The following C1QL4 variants were observed in gnomAD, a reference collection of about 807,000 sequenced individuals.
C1QL4 encodes the protein complement C1q like 4, also known as complement C1q-like protein 4.
Under a neutral mutation model 13.4 loss-of-function variants are expected in C1QL4, and 5 were observed. The ratio of observed to expected loss-of-function variants is 0.37; its 90% CI spans 0.19 to 0.78. C1QL4 has a LOEUF of 0.78. C1QL4 is among the 30% of genes least tolerant of loss of function. C1QL4 has a pLI of 0.47. For missense variants in C1QL4, 367 were observed against 361.6 expected (o/e 1.01, Z -0.12); for synonymous variants, 168 against 153.9 (o/e 1.09, Z -0.68).
intron 1 of C1QL4, 71 bp from the exon 2 acceptor site, chr12:49,333,304 G>A (rs374263688): frequency 2.7e-6 from 4 of 1,493,778 alleles, no homozygotes; most frequent in South Asian, 2.6e-5. Context: ...GGGCGGCTGG[G>A]CGTGCGAAGG....
In C1QL4 at chr12:49,336,643, G is replaced by T; in HGVS notation, c.-166C>A. ...CTTGGGCCTGGGTCTGCACTCCCCC[G>T]ACGGCTGCCCCCCGCTCCCCTTACC... is the stretch of plus-strand genomic sequence containing the variant. On this transcript the variant is annotated 5_prime_UTR_variant, in exon 1 of 2. Coordinates refer to ENST00000334221, the MANE Select transcript of C1QL4 (RefSeq NM_001008223.2). The surrounding 1 kb of genome is among the most constrained non-coding windows in gnomAD (Gnocchi z 7.7). 1.3e-6 allele frequency: 1 copy of T among 752,286 alleles called. No homozygotes were observed. Among genetic ancestry groups the T allele is most frequent in the Non-Finnish European group, 1.9e-6 (1 of 517,366 alleles). The allele number at this position is 752,286 out of a possible 1,614,324, so 46.6% of individuals were successfully genotyped here. A position where few individuals can be genotyped will look rare whatever the true frequency, so the allele number is the denominator to read the frequency against.
At position 49,336,524 on chromosome 12, in the gene C1QL4, C is replaced by G. The variant is rs1045442027; in HGVS notation, c.-47G>C. The G allele has an allele frequency of 3.5e-6, 5 of 1,440,038 alleles. No homozygotes were observed. Among genetic ancestry groups the G allele is most frequent in the Non-Finnish European group, 4.5e-6 (5 of 1,110,790 alleles). 89.2% of individuals were successfully genotyped at this position (1,440,038 alleles called of 1,614,324 possible). ...CGCCACCCTCTTGCGGCGGCTCAGC[C>G]GCGACGCTGCCAGGGCCAGCAAATC... On this transcript the variant is annotated 5_prime_UTR_variant, in exon 1 of 2. Coordinates refer to ENST00000334221, the MANE Select transcript of C1QL4 (RefSeq NM_001008223.2). The surrounding 1 kb of genome is among the most constrained non-coding windows in gnomAD (Gnocchi z 7.7).
In C1QL4 at chr12:49,332,946, C is replaced by T. The variant is rs923572022; in HGVS notation, c.*108G>A. ...CCGCCTCCGGGAACGGAAGGGTCCA[C>T]CCCACCGCCAGGCTCTCAAAGGGTG... is the stretch of plus-strand genomic sequence containing the variant. On this transcript the variant is annotated 3_prime_UTR_variant, in exon 2 of 2. Transcript: ENST00000334221. 51 of 1,212,978 alleles carry T rather than the reference C, an allele frequency of 4.2e-5. No individual in the cohort carries two copies. Among genetic ancestry groups the T allele is most frequent in the Non-Finnish European group, 4.9e-5 (43 of 879,608 alleles). The allele number at this position is 1,212,978 out of a possible 1,614,324, so 75.1% of individuals were successfully genotyped here.
rs1943635762 is a variant in C1QL4, at chr12:49,336,596, G to A, written c.-119C>T. On this transcript the variant is annotated 5_prime_UTR_variant, in exon 1 of 2. Transcript: ENST00000334221. The surrounding 1 kb of genome is among the most constrained non-coding windows in gnomAD (Gnocchi z 7.7). ...GGCTGCCGGGGCCGGGGCTCTCCGC[G>A]GGCCAGGAGGCGGTGACCCGCCTTG... 8.2e-7 allele frequency: 1 copy of A among 1,215,452 alleles called. No homozygotes were observed. Among genetic ancestry groups the A allele is most frequent in the South Asian group, 1.9e-5 (1 of 51,944 alleles). 75.3% of individuals were successfully genotyped at this position (1,215,452 alleles called of 1,614,324 possible). A position where few individuals can be genotyped will look rare whatever the true frequency, so the allele number is the denominator to read the frequency against.
Position 49,337,124 on chromosome 12 carries a change from C to T in C1QL4, c.-647G>A, listed in dbSNP as rs1943640246. The T allele has an allele frequency of 6.6e-6, 1 of 152,246 alleles. No homozygotes were observed. Among genetic ancestry groups the T allele is most frequent in the Non-Finnish European group, 1.5e-5 (1 of 68,058 alleles). 9.4% of individuals were successfully genotyped at this position (152,246 alleles called of 1,614,324 possible). On this transcript the variant is annotated 5_prime_UTR_variant, in exon 1 of 2. Coordinates refer to ENST00000334221, the MANE Select transcript of C1QL4 (RefSeq NM_001008223.2). ...TAGAGCCCTGGCCCGCGCCTCTCTCCTGCGGGCGCGGTCCCTCTCCGCCTC... is the reference window on the plus strand; with the variant it reads ...TAGAGCCCTGGCCCGCGCCTCTCTCTTGCGGGCGCGGTCCCTCTCCGCCTC...
rs778063736 is a variant in C1QL4 at position 49,333,244 on chromosome 12, A to T, written c.538-11T>A. The T allele has an allele frequency of 3.1e-6, 5 of 1,612,256 alleles. No homozygotes were observed. Among genetic ancestry groups the T allele is most frequent in the South Asian group, 2.2e-5 (2 of 90,912 alleles). On this transcript the variant is annotated splice_polypyrimidine_tract_variant and intron_variant, in intron 1 of 1. Transcript: ENST00000334221. ...GGCGCTGGCCCGGACCTATCGAGGG[A>T]GAAGAACCTGCTCATGCTCTGTGTG...
At position 49,333,039 on chromosome 12, in the gene C1QL4, CGG is replaced by C. The variant is rs1260105977; in HGVS notation, c.*13_*14del. 2 of 1,585,740 alleles carry C rather than the reference CGG, an allele frequency of 1.3e-6. No homozygotes were observed. The highest frequency in any genetic ancestry group is 1.7e-6 in the Non-Finnish European group (2 of 1,163,004). ...GGGAGAGAAGGGGCGAGCGGGGGCA[CGG>C]GGCGGGGCCGGCTCAGTCGGGGTAG... On this transcript the variant is annotated 3_prime_UTR_variant, in exon 2 of 2. Coordinates refer to ENST00000334221, the MANE Select transcript of C1QL4 (RefSeq NM_001008223.2).
rs1943627148 is a variant in C1QL4 at position 49,335,952 on chromosome 12, T to A, written c.526A>T (p.Lys176Ter). 6.2e-7 allele frequency: 1 copy of A among 1,603,586 alleles called. No individual in the cohort carries two copies. The highest frequency in any genetic ancestry group is 1.3e-5 in the African/African-American group (1 of 74,836). ...GAGGGGCATCTCACCTGTCCGTTCT[T>A]CATGAGGTCGGCCCACATGCTGGTG... is the stretch of plus-strand genomic sequence containing the variant. Reference protein sequence around the residue: ...DGTSMWADLMKNGQVRASAIA... With the variant: ...DGTSMWADLM The change falls in exon 1 of 2, where the codon AAG becomes TAG. Residue 176 changes from lysine to a stop codon, truncating the protein, a stop_gained. Transcript: ENST00000334221. LOFTEE classifies it high-confidence loss of function.
At chr12:49,335,594 C>G (rs940674334) in intron 1 of C1QL4, among the ~76,000 whole-genome samples, 1 of 152,100 alleles carries the variant, frequency 6.6e-6, no homozygotes, top group African/African-American at 2.4e-5. Context: ...AAGGATAGCC[C>G]AAGACAGGAC....
chr12:49,337,087 C>G lies in C1QL4; in HGVS notation c.-610G>C, dbSNP rs1289661329. The G allele has an allele frequency of 6.6e-6, 1 of 152,426 alleles. No homozygotes were observed. The highest frequency in any genetic ancestry group is 2.4e-5 in the African/African-American group (1 of 41,460). The allele number at this position is 152,426 out of a possible 1,614,324, so 9.4% of individuals were successfully genotyped here. On this transcript the variant is annotated 5_prime_UTR_variant, in exon 1 of 2. Transcript: ENST00000334221. ...CTCACCTTGCTACCCCTGCCGCGGC[C>G]CCAGTCCCTGCTAGAGCCCTGGCCC...
At chr12:49,334,835 C>T (rs1367928652) in intron 1 of C1QL4, among the ~76,000 whole-genome samples, 2 of 152,154 alleles carry the variant, frequency 1.3e-5, no homozygotes, top group Non-Finnish European at 1.5e-5. Context: ...TCCCTTTCCC[C>T]GGGTTCCTGG....
rs1184361687 is a variant in C1QL4, at chr12:49,337,176, G to A, written c.-699C>T. On this transcript the variant is annotated 5_prime_UTR_variant, in exon 1 of 2. Coordinates refer to ENST00000334221, the MANE Select transcript of C1QL4 (RefSeq NM_001008223.2). ...CTAACCTTCCTCCCCTCCCTCCCGGGCGCGGGTGGTATGAGGCGCCGCGCG... is the reference window on the plus strand; with the variant it reads ...CTAACCTTCCTCCCCTCCCTCCCGGACGCGGGTGGTATGAGGCGCCGCGCG... 6.6e-6 allele frequency: 1 copy of A among 152,098 alleles called. No individual in the cohort carries two copies. Among genetic ancestry groups the A allele is most frequent in the Non-Finnish European group, 1.5e-5 (1 of 68,038 alleles). The allele number at this position is 152,098 out of a possible 1,614,324, so 9.4% of individuals were successfully genotyped here. A position where few individuals can be genotyped will look rare whatever the true frequency, so the allele number is the denominator to read the frequency against.
At chr12:49,334,247 G>A (rs943526436) in intron 1 of C1QL4, among the ~76,000 whole-genome samples, 6 of 152,204 alleles carry the variant, frequency 3.9e-5, no homozygotes, top group Admixed American at 3.9e-4. Flanking sequence ...CTAAAATTCT[G>A]AACCGGCTGG....
Position 49,333,198 on chromosome 12 carries a change from C to CT in C1QL4, c.572dup (p.Asn192GlufsTer79). 1 of 1,614,074 alleles carries CT rather than the reference C, an allele frequency of 6.2e-7. No homozygotes were observed. The highest frequency in any genetic ancestry group is 1.1e-5 in the South Asian group (1 of 91,082). On this transcript the variant is annotated frameshift_variant, in exon 2 of 2. Coordinates refer to ENST00000334221, the MANE Select transcript of C1QL4 (RefSeq NM_001008223.2). LOFTEE classifies it high-confidence loss of function. ...CGCTGTTGCTGGCGTAGTCGTAGTT[C>CT]TGGTCCGCGTCCTGAGCAATGGCGC... is the stretch of plus-strand genomic sequence containing the variant.
intron 1 of C1QL4, 71 bp downstream of exon 1, chr12:49,335,870 G>T: frequency 6.6e-7 from 1 of 1,511,952 alleles, no homozygotes; most frequent in Non-Finnish European, 9.0e-7. Context: ...ATAATCTCAG[G>T]TTGTGGGATG....
At position 49,335,927 on chromosome 12, in the gene C1QL4, G is replaced by C; in HGVS notation, c.537+14C>G. The C allele has an allele frequency of 6.3e-7, 1 of 1,591,470 alleles. No individual in the cohort carries two copies. Among genetic ancestry groups the C allele is most frequent in the Admixed American group, 1.8e-5 (1 of 56,958 alleles). ...CGACCAGTCTGAGCTGGGTTGGGGA[G>C]AGGGGCATCTCACCTGTCCGTTCTT... is the stretch of plus-strand genomic sequence containing the variant. On this transcript the variant is annotated intron_variant, in intron 1 of 1. Transcript: ENST00000334221.
At chr12:49,334,981 C>T (rs535724872) in intron 1 of C1QL4, among the ~76,000 whole-genome samples, 1 of 152,236 alleles carries the variant, frequency 6.6e-6, no homozygotes, top group Admixed American at 6.5e-5. Flanking sequence ...GGTCACCACT[C>T]AGCCCCAACC....
At chr12:49,333,342 G>A in intron 1 of C1QL4, 109 bp from the exon 2 acceptor site, 1 of 1,056,274 alleles carries the variant, frequency 9.5e-7, no homozygotes, top group South Asian at 1.6e-5. Context: ...CAGGGGCTGG[G>A]GAGGACCAGG....
intron 1 of C1QL4, among the ~76,000 whole-genome samples, 168 bp from the exon 2 acceptor site, chr12:49,333,401 C>T (rs1357777372): frequency 1.3e-5 from 2 of 152,178 alleles, no homozygotes; most frequent in Admixed American, 1.3e-4. Context: ...CATTCACTAG[C>T]TGTGTGACGC....
Sources: gnomAD v4.1 joint callset for allele counts (sites outside exome capture counted in the v4.1 genomes callset) on GRCh38, gnomAD v4.1.1 for gene constraint, Gnocchi (gnomAD v3.1) non-coding constraint, MANE v1.5 for transcripts, NCBI Gene and HGNC (gene_info 2026-07-23, HGNC 2026-07-21) for gene names.